TBC1D30: variants seen among roughly 807,000 people sequenced by gnomAD.
TBC1D30 encodes the protein TBC1 domain family member 30, also known as TBC1 domain family, member 30.
In TBC1D30, 31 loss-of-function variants were observed where a neutral mutation model predicts 63.2. That is an observed-to-expected ratio of 0.49 (90% CI 0.37 to 0.66). TBC1D30 has a LOEUF of 0.66. Ranked by LOEUF, TBC1D30 falls within the 30% of genes least tolerant of loss-of-function variation. The probability of loss-of-function intolerance (pLI) is 0.00; values close to 1 mark genes in which losing one functional copy is unlikely to be tolerated. For missense variants in TBC1D30, 810 were observed against 953.6 expected, an observed-to-expected ratio of 0.85 and a Z score of 1.98; for synonymous variants, 307 against 361.5, an observed-to-expected ratio of 0.85 and a Z score of 1.71.
At chr12:64,798,087 T>G (rs976041663) in intron 2 of TBC1D30, among the ~76,000 whole-genome samples, 2 of 152,234 alleles carry the variant, frequency 1.3e-5, no homozygotes, top group African/African-American at 4.8e-5. Context: ...AAGACAGAAT[T>G]GAAAGTACTT....
At chr12:64,787,406 T>A (rs1871657477) in intron 2 of TBC1D30, 1 of 982,496 alleles carries the variant, frequency 1.0e-6, no homozygotes, top group Non-Finnish European at 1.2e-6. Context: ...GGTACAATGA[T>A]GTTTTTGATA....
rs35870571 is a variant in TBC1D30, at chr12:64,760,829, CA to C, written c.-376+1193del. 5.6e-4 allele frequency among the ~76,000 whole-genome samples: 80 copies of C among 143,482 alleles called. No individual in the cohort carries two copies. The Middle Eastern group carries it at 0.011, about 19-fold the overall frequency. 94.1% of individuals were successfully genotyped at this position (143,482 alleles called of 152,430 possible). ...GATGTGTACAAGGATAGGGCTTATGCAAAAAAAAAAAAATTACCTTTATTAC... is the reference window on the plus strand; with the variant it reads ...GATGTGTACAAGGATAGGGCTTATGCAAAAAAAAAAAATTACCTTTATTAC... On this transcript the variant is annotated intron_variant, in intron 1 of 13. Coordinates refer to the TBC1D30 transcript ENST00000674237.
intron 8 of TBC1D30, among the ~76,000 whole-genome samples, chr12:64,858,479 G>A (rs917387054): frequency 1.3e-5 from 2 of 152,162 alleles, no homozygotes; most frequent in Non-Finnish European, 2.9e-5. Flanking sequence ...TTAGTCAGCA[G>A]GTGATGAATC....
intron 1 of TBC1D30, among the ~76,000 whole-genome samples, chr12:64,773,908 T>A (rs954743096): frequency 6.6e-6 from 1 of 152,092 alleles, no homozygotes; most frequent in Non-Finnish European, 1.5e-5. Context: ...CTGCATCACC[T>A]CTCCAGCAAG....
At chr12:64,812,685 T>C (rs9888397) in intron 2 of TBC1D30, among the ~76,000 whole-genome samples, 4,564 of 152,220 alleles carry the variant, frequency 0.03, 213 homozygotes, top group African/African-American at 0.1. Context: ...ATTTAAAAAG[T>C]TATGATGTTG....
In TBC1D30 at chr12:64,869,760, C is replaced by CA. The variant is rs1267873377; in HGVS notation, c.1292-841dup. 1.2e-4 allele frequency among the ~76,000 whole-genome samples: 19 copies of CA among 152,164 alleles called. No homozygotes were observed. In the East Asian group the frequency reaches 3.7e-3, roughly 29 times the overall value. ...TTCTCTTTTAATTTTCTTCTCCTTA[C>CA]AGAAATGATTACAGTAAAAAAATGA... On this transcript the variant is annotated intron_variant, in intron 10 of 11. Coordinates refer to ENST00000539867, the MANE Select transcript of TBC1D30 (RefSeq NM_015279.2).
At chr12:64,785,530 C>G (rs1294868169) in intron 1 of TBC1D30, among the ~76,000 whole-genome samples, 2 of 151,780 alleles carry the variant, frequency 1.3e-5, no homozygotes, top group Non-Finnish European at 2.9e-5. Flanking sequence ...TTCTAGCAAG[C>G]TTACCATCTG....
chr12:64,782,210 A>C (rs1321112079), intron 1 of TBC1D30, among the ~76,000 whole-genome samples: 1 of 151,730 alleles, frequency 6.6e-6, no homozygotes, highest in Non-Finnish European at 1.5e-5. Flanking sequence ...ATGCCGAGCC[A>C]CCATAACATT....
At chr12:64,865,292 G>T (rs1878119926) in intron 9 of TBC1D30, among the ~76,000 whole-genome samples, 1 of 148,812 alleles carries the variant, frequency 6.7e-6, no homozygotes. Flanking sequence ...GTGTTAAATA[G>T]AAACAATGAA....
At chr12:64,853,875 G>A (rs993906972) in intron 8 of TBC1D30, among the ~76,000 whole-genome samples, 4 of 152,216 alleles carry the variant, frequency 2.6e-5, no homozygotes, top group African/African-American at 9.6e-5. Context: ...TGGAAATGCA[G>A]AAATCACCCA....
At chr12:64,803,580 A>G (rs1023793961) in intron 2 of TBC1D30, among the ~76,000 whole-genome samples, 8 of 152,196 alleles carry the variant, frequency 5.3e-5, no homozygotes, top group Non-Finnish European at 1.0e-4. Context: ...GCCCATGCCT[A>G]TGTTCTGAAT....
chr12:64,770,125 G>A (rs746612520), intron 1 of TBC1D30, among the ~76,000 whole-genome samples: 16 of 152,114 alleles, frequency 1.1e-4, no homozygotes, highest in Non-Finnish European at 2.4e-4. Flanking sequence ...TGAAAATAGC[G>A]TTCTTTTTTG....
chr12:64,828,875 G>C (rs533668850), intron 3 of TBC1D30, among the ~76,000 whole-genome samples: 6 of 152,164 alleles, frequency 3.9e-5, no homozygotes, highest in African/African-American at 9.7e-5. Context: ...GGTGACATTC[G>C]AGTAGGCCCC....
At chr12:64,838,613 A>G in intron 6 of TBC1D30, 70 bp from the exon 7 acceptor site, 2 of 1,438,312 alleles carry the variant, frequency 1.4e-6, no homozygotes, top group Non-Finnish European at 1.9e-6. Context: ...ATGGAAGACT[A>G]GAAAAGGGTA....
intron 1 of TBC1D30, among the ~76,000 whole-genome samples, chr12:64,825,868 G>A (rs1000152148): frequency 6.6e-6 from 1 of 152,174 alleles, no homozygotes; most frequent in African/African-American, 2.4e-5. Context: ...CGTTCCAGGC[G>A]GGTTCACGGT....
chr12:64,759,500 T>C (rs1870410769), exon 1 of TBC1D30: 1 of 496,062 alleles, frequency 2.0e-6, no homozygotes, highest in South Asian at 3.4e-5. Flanking sequence ...GGCTGCGGAC[T>C]GGCGCAGCCT....
At chr12:64,774,175 CAGAGA>C (rs1156628318) in intron 1 of TBC1D30, among the ~76,000 whole-genome samples, 1 of 152,034 alleles carries the variant, frequency 6.6e-6, no homozygotes, top group East Asian at 1.9e-4. Context: ...CATAATCAAG[CAGAGA>C]AAAGAATCTC....
chr12:64,875,788 A>C lies in TBC1D30; in HGVS notation c.2286A>C (p.Ter762CysextTer24). 6.5e-7 allele frequency: 1 copy of C among 1,526,928 alleles called. No individual in the cohort carries two copies. Among genetic ancestry groups the C allele is most frequent in the South Asian group, 1.2e-5 (1 of 82,686 alleles). 94.6% of individuals were successfully genotyped at this position (1,526,928 alleles called of 1,614,324 possible). Residue 762 changes from the stop codon to cysteine (C), a stop_lost, in exon 12 of 12, where the codon TGA becomes TGC. Transcript: ENST00000539867. Reference sequence around the variant, plus strand: ...GAAACAGTGGCACTAAAAAACGATGATGTCTCCCCGAAACTTTGTATCTGG... The same window carrying C: ...GAAACAGTGGCACTAAAAAACGATGCTGTCTCCCCGAAACTTTGTATCTGG... ...GGGNSGTKKR* is the reference protein window; with the variant it reads ...GGGNSGTKKRC
chr12:64,777,585 C>T (rs1296896367), upstream of TBC1D30, among the ~76,000 whole-genome samples: 1 of 152,136 alleles, frequency 6.6e-6, no homozygotes, highest in Non-Finnish European at 1.5e-5. Context: ...AAACTACAAA[C>T]CACTGCTCAA....
Sources: gnomAD v4.1 joint callset for allele counts (sites outside exome capture counted in the v4.1 genomes callset) on GRCh38, gnomAD v4.1.1 for gene constraint, MANE v1.5 for transcripts, NCBI Gene and HGNC (gene_info 2026-07-23, HGNC 2026-07-21) for gene names.